Variants in ASPRV1 observed in about 807,000 individuals in gnomAD.
The protein encoded by ASPRV1 is aspartic peptidase retroviral like 1.
Under a neutral mutation model 11.0 loss-of-function variants are expected in ASPRV1, and 7 were observed. The ratio of observed to expected loss-of-function variants is 0.64; its 90% CI spans 0.36 to 1.20. The LOEUF is 1.20. ASPRV1 is among the 50% of genes most tolerant of loss of function. ASPRV1 has a pLI of 0.02. For synonymous variants in ASPRV1, 136 were observed against 138.4 expected (o/e 0.98, Z 0.12); for missense variants, 299 against 320.0 (o/e 0.93, Z 0.50).
At chr2:69,935,216 T>A in the ASPRV1 span, 1 of 648,232 alleles carries the variant, frequency 1.5e-6, no homozygotes, top group South Asian at 1.8e-5. Flanking sequence ...ATATGTTTAT[T>A]CAGCAAAAGG....
At chr2:70,079,528 G>A in the ASPRV1 span, among the ~76,000 whole-genome samples, 1 of 151,994 alleles carries the variant, frequency 6.6e-6, no homozygotes, top group Non-Finnish European at 1.5e-5. Context: ...ACAGAGAAGG[G>A]ATCCAAGGAC....
chr2:70,033,931 G>A, the ASPRV1 span, among the ~76,000 whole-genome samples: 66 of 151,948 alleles, frequency 4.3e-4, no homozygotes, highest in Admixed American at 1.8e-3. Flanking sequence ...GAGGCGGGCA[G>A]ATCACGAGGT....
the ASPRV1 span, chr2:69,941,555 T>A: frequency 6.6e-6 from 1 of 152,238 alleles, no homozygotes; most frequent in Non-Finnish European, 1.5e-5. Context: ...GTCCTGCAGT[T>A]GGCCACTTGA....
chr2:70,042,971 T>C, the ASPRV1 span, among the ~76,000 whole-genome samples: 1 of 152,166 alleles, frequency 6.6e-6, no homozygotes, highest in Non-Finnish European at 1.5e-5. Context: ...GGTGGAGGCA[T>C]CTATAAACCC....
chr2:70,055,391 A>G, the ASPRV1 span, among the ~76,000 whole-genome samples: 2 of 152,356 alleles, frequency 1.3e-5, no homozygotes, highest in East Asian at 3.9e-4. Context: ...CCAAATGCCC[A>G]TTAATGATAG....
the ASPRV1 span, chr2:69,941,880 A>T: frequency 6.6e-6 from 1 of 152,128 alleles, no homozygotes; most frequent in Non-Finnish European, 1.5e-5. Flanking sequence ...ACACACACAC[A>T]CACACATATT....
At chr2:70,077,606 C>A in the ASPRV1 span, among the ~76,000 whole-genome samples, 1 of 152,182 alleles carries the variant, frequency 6.6e-6, no homozygotes, top group Non-Finnish European at 1.5e-5. Context: ...GTAATCCCAG[C>A]ACTTTGGGAG....
chr2:69,934,076 T>C, the ASPRV1 span, among the ~76,000 whole-genome samples: 1 of 152,218 alleles, frequency 6.6e-6, no homozygotes, highest in Non-Finnish European at 1.5e-5. Flanking sequence ...TTATTAAGCA[T>C]GTGTGTGTTT....
the ASPRV1 span, among the ~76,000 whole-genome samples, chr2:70,017,187 T>C: frequency 5.3e-5 from 8 of 152,144 alleles, no homozygotes; most frequent in African/African-American, 1.9e-4. Flanking sequence ...GAGACAGGGT[T>C]TCACCATGTT....
chr2:70,005,060 CTTA>C, the ASPRV1 span, among the ~76,000 whole-genome samples: 22,980 of 151,626 alleles, frequency 0.15, 2,691 homozygotes, highest in East Asian at 0.31. Flanking sequence ...ACTATGGTTT[CTTA>C]TTATTATTAT....
chr2:70,000,529 C>T, the ASPRV1 span: 5 of 151,344 alleles, frequency 3.3e-5, no homozygotes, highest in African/African-American at 1.2e-4. Context: ...GTGGCTCACG[C>T]CTGTAATCCC....
At chr2:70,039,387 C>CA in the ASPRV1 span, among the ~76,000 whole-genome samples, 1 of 152,128 alleles carries the variant, frequency 6.6e-6, no homozygotes, top group South Asian at 2.1e-4. Context: ...AGCTCAAAAT[C>CA]AGAGCTCCTG....
the ASPRV1 span, chr2:69,940,693 A>T: frequency 9.0e-4 from 137 of 152,720 alleles, no homozygotes; most frequent in African/African-American, 3.3e-3. Flanking sequence ...ATAAATGTGG[A>T]ACTTGATAGA....
At chr2:69,942,282 A>G in the ASPRV1 span, 1 of 152,170 alleles carries the variant, frequency 6.6e-6, no homozygotes, top group Admixed American at 6.5e-5. Context: ...ACATCCTCTG[A>G]TCTCTATAGA....
At chr2:70,080,269 T>A in the ASPRV1 span, among the ~76,000 whole-genome samples, 1 of 151,728 alleles carries the variant, frequency 6.6e-6, no homozygotes, top group South Asian at 2.1e-4. Flanking sequence ...TCTTGTTGCC[T>A]GGGCTGAAGT....
chr2:70,041,871 T>G, the ASPRV1 span, among the ~76,000 whole-genome samples: 1 of 152,180 alleles, frequency 6.6e-6, no homozygotes, highest in African/African-American at 2.4e-5. Flanking sequence ...TCTTCCTTCC[T>G]CCCTATTTTA....
At chr2:70,000,814 A>G in the ASPRV1 span, among the ~76,000 whole-genome samples, 998 of 147,302 alleles carry the variant, frequency 6.8e-3, 8 homozygotes, top group Middle Eastern at 0.017. Flanking sequence ...AAAAAAAAAA[A>G]AAAGAAAGAA....
upstream of ASPRV1, chr2:69,964,497 G>C: frequency 3.1e-6 from 1 of 319,708 alleles, no homozygotes; most frequent in South Asian, 2.4e-5. Context: ...CCCATCCCTA[G>C]AACAGCCTGG....
the ASPRV1 span, among the ~76,000 whole-genome samples, chr2:70,029,104 G>A: frequency 6.6e-6 from 1 of 152,068 alleles, no homozygotes; most frequent in African/African-American, 2.4e-5. Context: ...GATGTCATTC[G>A]AGAGCAAACC....
Sources: allele counts gnomAD v4.1 joint callset (sites outside exome capture counted in the v4.1 genomes callset), GRCh38; gene constraint gnomAD v4.1.1; transcripts MANE v1.5; gene names NCBI Gene and HGNC (gene_info 2026-07-23, HGNC 2026-07-21).